Variants in ECE1 observed in about 807,000 individuals in gnomAD.
The protein encoded by ECE1 is endothelin converting enzyme 1.
Under a neutral mutation model 98.6 loss-of-function variants are expected in ECE1, and 35 were observed. The ratio of observed to expected loss-of-function variants is 0.35; its 90% CI spans 0.27 to 0.47. ECE1 has a LOEUF of 0.47. ECE1 is among the 20% of genes least tolerant of loss of function. The pLI is 1.00. For missense variants in ECE1, 814 were observed against 1,025.3 expected, an observed-to-expected ratio of 0.79 and a Z score of 2.81; for synonymous variants, 394 against 407.1, an observed-to-expected ratio of 0.97 and a Z score of 0.39.
At chr1:21,341,041 GC>G (rs1639388165) in intron 1 of ECE1, among the ~76,000 whole-genome samples, 2 of 137,894 alleles carry the variant, frequency 1.5e-5, no homozygotes, top group South Asian at 4.6e-4. Flanking sequence ...TCCACCCCCC[GC>G]CCCCCAACAC....
Position 21,258,595 on chromosome 1 carries a change from C to T in ECE1, c.762+98G>A. On this transcript the variant is annotated intron_variant, in intron 6 of 18. Transcript: ENST00000374893. The surrounding 1 kb of genome is among the most constrained non-coding windows in gnomAD (Gnocchi z 4.2). ...AGAAACTAGAAGACCGCCGTCCCAC[C>T]CAGGGCAAGCCCCTCTCCCACCCCA... is the stretch of plus-strand genomic sequence containing the variant. 1 of 1,224,188 alleles carries T rather than the reference C, an allele frequency of 8.2e-7. No individual in the cohort carries two copies. The highest frequency in any genetic ancestry group is 1.2e-6 in the Non-Finnish European group (1 of 859,104). The allele number at this position is 1,224,188 out of a possible 1,614,324, so 75.8% of individuals were successfully genotyped here. A position where few individuals can be genotyped will look rare whatever the true frequency, so the allele number is the denominator to read the frequency against.
rs368330044 is a variant in ECE1, at chr1:21,279,312, C to A, written c.159G>T (p.Arg53=). The A allele has an allele frequency of 1.9e-6, 3 of 1,614,188 alleles. No homozygotes were observed. The highest frequency in any genetic ancestry group is 2.2e-5 in the East Asian group (1 of 44,882). ...GTGCAGCCCAGCACCTCTGGCCACT[C>A]CGGGGGCTGTGGAAGTTCACCTGCA... is the stretch of plus-strand genomic sequence containing the variant. The part of the protein sequence containing the change: ...NGLQVNFHSP[R]SGQRCWAART... Residue 53 remains arginine, a synonymous_variant, in exon 3 of 19, where the codon CGG becomes CGT. Transcript: ENST00000374893.
chr1:21,232,796 C>T lies in ECE1; in HGVS notation c.1670+762G>A, dbSNP rs914742758. On this transcript the variant is annotated intron_variant, in intron 14 of 18. Coordinates refer to ENST00000374893, the MANE Select transcript of ECE1 (RefSeq NM_001397.3). ...AAGCAATTCTCGTGCCTCAGCTACT[C>T]ACTCCTGAGTAGCTGGGACTACAGG... Among the ~76,000 whole-genome samples, 9 of 151,670 alleles carry T rather than the reference C, an allele frequency of 5.9e-5. No homozygotes were observed. In the South Asian group the frequency reaches 1.9e-3, roughly 32 times the overall value.
At chr1:21,289,426 G>A (rs1283145207) in intron 2 of ECE1, among the ~76,000 whole-genome samples, 1 of 152,186 alleles carries the variant, frequency 6.6e-6, no homozygotes, top group Non-Finnish European at 1.5e-5. Context: ...GGACGGGGGT[G>A]GGGCCCTCCC....
At chr1:21,344,165 G>A (rs3026803) in intron 1 of ECE1, among the ~76,000 whole-genome samples, 8,356 of 152,252 alleles carry the variant, frequency 0.055, 758 homozygotes, top group African/African-American at 0.19. Context: ...GGCCTTGGAA[G>A]GGAGAGATGG....
intron 1 of ECE1, chr1:21,298,810 G>A (rs1236309673): frequency 4.4e-6 from 2 of 456,268 alleles, no homozygotes; most frequent in Non-Finnish European, 8.8e-6. Context: ...AACCCACCCT[G>A]CCTCACCTGC....
At position 21,290,245 on chromosome 1, in the gene ECE1, GC is replaced by G; in HGVS notation, c.52-90del. The G allele has an allele frequency of 7.3e-7, 1 of 1,378,036 alleles. No homozygotes were observed. The highest frequency in any genetic ancestry group is 9.4e-7 in the Non-Finnish European group (1 of 1,059,556). The allele number at this position is 1,378,036 out of a possible 1,614,324, so 85.4% of individuals were successfully genotyped here. On this transcript the variant is annotated intron_variant, in intron 1 of 18. Coordinates refer to ENST00000374893, the MANE Select transcript of ECE1 (RefSeq NM_001397.3). The surrounding 1 kb of genome is among the most constrained non-coding windows in gnomAD (Gnocchi z 7.3). Reference sequence around the variant, plus strand: ...AAGCGGCCCCGACCCTGGCGCCGCCGCCGCCGCGCCCCGCCCCGGCCTGGAC... The same window carrying G: ...AAGCGGCCCCGACCCTGGCGCCGCCGCGCCGCGCCCCGCCCCGGCCTGGAC...
chr1:21,335,621 C>T (rs1460309205), intron 1 of ECE1, among the ~76,000 whole-genome samples: 1 of 152,176 alleles, frequency 6.6e-6, no homozygotes, highest in Non-Finnish European at 1.5e-5. Context: ...GGGCTCTCAC[C>T]CAGGGTGGAC....
chr1:21,344,181 C>T (rs1436068443), intron 1 of ECE1, among the ~76,000 whole-genome samples: 1 of 151,150 alleles, frequency 6.6e-6, no homozygotes, highest in Non-Finnish European at 1.5e-5. Context: ...GATGGGGGGG[C>T]GGGTTGTAAG....
At chr1:21,291,374 C>T (rs895332953), upstream of ECE1, among the ~76,000 whole-genome samples, 1 of 152,196 alleles carries the variant, frequency 6.6e-6, no homozygotes, top group African/African-American at 2.4e-5. Flanking sequence ...AAATTTGATT[C>T]TCACAGTCAC....
intron 2 of ECE1, among the ~76,000 whole-genome samples, chr1:21,284,820 G>A (rs1569652260): frequency 6.6e-6 from 1 of 152,204 alleles, no homozygotes; most frequent in Admixed American, 6.5e-5. Context: ...TGGGCTGCAC[G>A]AAGCAGCAAT....
At chr1:21,273,352 T>TGC (rs1395357938) in intron 3 of ECE1, among the ~76,000 whole-genome samples, 10 of 104,108 alleles carry the variant, frequency 9.6e-5, no homozygotes, top group South Asian at 5.3e-4. Context: ...TGTGCGTGTG[T>TGC]GTGTGTGTGT....
chr1:21,290,875 C>T (rs1233256747), upstream of ECE1, among the ~76,000 whole-genome samples: 3 of 152,166 alleles, frequency 2.0e-5, no homozygotes, highest in African/African-American at 7.2e-5. This position sits in a 1 kb window ranked among gnomAD's most constrained non-coding sequence, Gnocchi z 7.3. Flanking sequence ...CTTTCAGTTC[C>T]CCTTTCTAGC....
At chr1:21,238,108 C>G in intron 11 of ECE1, 26 bp downstream of exon 11, 1 of 1,602,592 alleles carries the variant, frequency 6.2e-7, no homozygotes, top group Non-Finnish European at 8.6e-7. Context: ...GACCTCACAG[C>G]CTGTGTCCAC....
intron 8 of ECE1, among the ~76,000 whole-genome samples, chr1:21,248,222 G>T (rs956215215): frequency 3.3e-5 from 5 of 151,692 alleles, no homozygotes; most frequent in African/African-American, 1.2e-4. Flanking sequence ...CCAGGCTGGA[G>T]TGCAGTGGTG....
At chr1:21,224,549 C>A (rs1197850335) in intron 17 of ECE1, among the ~76,000 whole-genome samples, 1 of 152,106 alleles carries the variant, frequency 6.6e-6, no homozygotes, top group Non-Finnish European at 1.5e-5. Flanking sequence ...GGGAATACTC[C>A]AAGCCTGGCA....
intron 4 of ECE1, among the ~76,000 whole-genome samples, chr1:21,264,471 C>T (rs527435791): frequency 7.9e-5 from 12 of 152,126 alleles, no homozygotes; most frequent in East Asian, 5.8e-4. Context: ...TCCTCCATCA[C>T]GCCCGGCTAA....
At chr1:21,341,825 A>G (rs1440595534) in intron 1 of ECE1, among the ~76,000 whole-genome samples, 2 of 150,378 alleles carry the variant, frequency 1.3e-5, no homozygotes, top group African/African-American at 4.9e-5. Context: ...TTTTTTTAAG[A>G]TAGGGTCTCA....
intron 2 of ECE1, among the ~76,000 whole-genome samples, chr1:21,285,398 G>A (rs530737836): frequency 2.2e-4 from 34 of 152,244 alleles, no homozygotes; most frequent in Admixed American, 1.8e-3. Flanking sequence ...GGCTGATTGA[G>A]GTCCCAGGTG....
Sources: gnomAD v4.1 joint callset for allele counts (sites outside exome capture counted in the v4.1 genomes callset) on GRCh38, gnomAD v4.1.1 for gene constraint, Gnocchi (gnomAD v3.1) non-coding constraint, MANE v1.5 for transcripts, NCBI Gene and HGNC (gene_info 2026-07-23, HGNC 2026-07-21) for gene names.